POLQ: variants seen among roughly 807,000 people sequenced by gnomAD.
POLQ encodes the protein epididymis secretory sperm binding protein.
POLQ carries 233 observed loss-of-function variants against 259.2 expected under a neutral mutation model. The observed-to-expected ratio is 0.90, with a 90% CI of 0.81 to 1.00. The LOEUF is 1.00. POLQ is among the 50% of genes least tolerant of loss of function. The pLI, the probability that POLQ is intolerant of heterozygous loss-of-function variation, is 0.00. For synonymous variants in POLQ, 1,025 were observed against 1,048.8 expected (o/e 0.98, Z 0.44); for missense variants, 2,871 against 3,051.6 (o/e 0.94, Z 1.39).
At chr3:121,448,321 T>A (rs181610395) in intron 26 of POLQ, among the ~76,000 whole-genome samples, 2 of 152,050 alleles carry the variant, frequency 1.3e-5, no homozygotes. Flanking sequence ...AGTATATCAA[T>A]TGCATTTTCC....
intron 28 of POLQ, among the ~76,000 whole-genome samples, chr3:121,435,455 G>A (rs2047536303): frequency 6.6e-6 from 1 of 152,176 alleles, no homozygotes; most frequent in South Asian, 2.1e-4. Context: ...TATCCTTAAA[G>A]TATGGTCTGA....
chr3:121,459,369 A>ATTTTTTTTTTTTTTTTTTTTT (rs58859161), intron 25 of POLQ, among the ~76,000 whole-genome samples: 23 of 104,736 alleles, frequency 2.2e-4, no homozygotes, highest in Non-Finnish European at 2.7e-4. Context: ...GACTAGAAAG[A>ATTTTTTTTTTTTTTTTTTTTT]TTTTTTTTTT....
At chr3:121,492,637 CTT>C (rs1213332147) in intron 15 of POLQ, among the ~76,000 whole-genome samples, 34 of 140,100 alleles carry the variant, frequency 2.4e-4, no homozygotes, top group Non-Finnish European at 2.2e-4. Flanking sequence ...TTGCTCAGTA[CTT>C]TTTTTTTTTT....
At chr3:121,458,900 A>ACG (rs374833947) in intron 25 of POLQ, among the ~76,000 whole-genome samples, 7 of 152,122 alleles carry the variant, frequency 4.6e-5, no homozygotes, top group African/African-American at 1.7e-4. Context: ...ACACACACAC[A>ACG]AAAACTACAA....
intron 24 of POLQ, among the ~76,000 whole-genome samples, chr3:121,464,464 T>C (rs1017567647): frequency 6.6e-6 from 1 of 152,240 alleles, no homozygotes; most frequent in Non-Finnish European, 1.5e-5. Context: ...ACAATCAACA[T>C]GTTATATAAA....
intron 7 of POLQ, among the ~76,000 whole-genome samples, chr3:121,523,975 TA>T (rs1346790333): frequency 6.6e-6 from 1 of 152,146 alleles, no homozygotes; most frequent in African/African-American, 2.4e-5. Flanking sequence ...CATTTAAGAT[TA>T]AAAAATGAGT....
At chr3:121,481,281 A>C (rs1296056142) in intron 19 of POLQ, among the ~76,000 whole-genome samples, 1 of 152,244 alleles carries the variant, frequency 6.6e-6, no homozygotes, top group African/African-American at 2.4e-5. Context: ...ATTATGGCCA[A>C]ACTAACATTA....
rs763437822 is a variant in POLQ at position 121,489,481 on chromosome 3, G to A, written c.3450C>T (p.Ala1150=). ...GSQSKNVTCQ[A]TSVVSEKGRG... ...TGCCCTTTTCACTAACCACACTAGT[G>A]GCCTGACAAGTCACATTTTTACTCT... The change falls in exon 16 of 30, where the codon GCC becomes GCT. Residue 1150 remains alanine (A), a synonymous_variant. Transcript: ENST00000264233. 1 of 1,613,620 alleles carries A rather than the reference G, an allele frequency of 6.2e-7. No individual in the cohort carries two copies. The highest frequency in any genetic ancestry group is 8.5e-7 in the Non-Finnish European group (1 of 1,179,862).
Position 121,544,832 on chromosome 3 carries a change from C to A in POLQ, c.238G>T (p.Val80Phe). ...CCAAAACTGTGGTATTTTTCCAGAA[C>A]TGCTTTAGGAAGTCCCCAGTTTGCC... ...LLANWGLPKA[V>F]LEKYHSFGVK... Residue 80 changes from valine (V) to phenylalanine (F), a missense_variant, in exon 2 of 30, where the codon GTT (valine) becomes TTT (phenylalanine). Physicochemically the swap from Val to Phe is conservative, Grantham distance 50 (BLOSUM62 -1). Coordinates refer to ENST00000264233, the MANE Select transcript of POLQ (RefSeq NM_199420.4). The A allele has an allele frequency of 6.2e-7, 1 of 1,612,336 alleles. No homozygotes were observed. The highest frequency in any genetic ancestry group is 8.5e-7 in the Non-Finnish European group (1 of 1,178,388).
chr3:121,478,387 CAAG>C (rs907502796), intron 19 of POLQ, among the ~76,000 whole-genome samples: 2 of 151,644 alleles, frequency 1.3e-5, no homozygotes, highest in African/African-American at 4.8e-5. Flanking sequence ...AAGAAACAAC[CAAG>C]AAGAAATTTA....
At position 121,443,547 on chromosome 3, in the gene POLQ, CTG is replaced by C. The variant is rs556120996; in HGVS notation, c.7265-3433_7265-3432del. Among the ~76,000 whole-genome samples the C allele has an allele frequency of 2.6e-3, 397 of 152,206 alleles. 2 individuals carry two copies. Among genetic ancestry groups the C allele is most frequent in the African/African-American group, 8.2e-3 (340 of 41,532 alleles). Reference sequence around the variant, plus strand: ...CAAATATTTTCTCCCATTCTGTGGGCTGTCTCTTCACTTTGTTGGTTGTTTCC... The same window carrying C: ...CAAATATTTTCTCCCATTCTGTGGGCTCTCTTCACTTTGTTGGTTGTTTCC... On this transcript the variant is annotated intron_variant, in intron 26 of 29. Transcript: ENST00000264233.
intron 25 of POLQ, among the ~76,000 whole-genome samples, chr3:121,458,655 CAG>C (rs1213729827): frequency 4.6e-5 from 7 of 152,142 alleles, no homozygotes; most frequent in African/African-American, 1.7e-4. Context: ...ATTAAACAGA[CAG>C]AGAGGACAGA....
chr3:121,439,084 C>A (rs1189129011), intron 27 of POLQ, among the ~76,000 whole-genome samples: 1 of 152,136 alleles, frequency 6.6e-6, no homozygotes, highest in Non-Finnish European at 1.5e-5. Flanking sequence ...TACTTAGGTA[C>A]ACAGAATACT....
intron 3 of POLQ, among the ~76,000 whole-genome samples, 158 bp from the exon 4 acceptor site, chr3:121,539,747 T>A (rs2048477610): frequency 6.6e-6 from 1 of 152,216 alleles, no homozygotes; most frequent in Non-Finnish European, 1.5e-5. Flanking sequence ...TCTTTTTAGA[T>A]CATATACTAA....
chr3:121,509,745 C>T (rs1345584749), intron 11 of POLQ, 42 bp from the exon 12 acceptor site: 1 of 1,568,164 alleles, frequency 6.4e-7, no homozygotes, highest in East Asian at 2.2e-5. Context: ...AACAAACATT[C>T]AAAATAAAAT....
At chr3:121,439,683 T>C (rs1312019419) in intron 27 of POLQ, among the ~76,000 whole-genome samples, 3 of 152,250 alleles carry the variant, frequency 2.0e-5, no homozygotes, top group African/African-American at 4.8e-5. Context: ...TTAGCAAATG[T>C]AAAAATTAAG....
Position 121,488,318 on chromosome 3 carries a change from A to G in POLQ, c.4613T>C (p.Val1538Ala). The G allele has an allele frequency of 6.2e-7, 1 of 1,612,638 alleles. No individual in the cohort carries two copies. The highest frequency in any genetic ancestry group is 8.5e-7 in the Non-Finnish European group (1 of 1,179,440). Reference protein sequence around the residue: ...LQEDLIKKSNVNENQDTHQQL... With the variant: ...LQEDLIKKSNANENQDTHQQL... ...CTGGTGGGTATCTTGATTCTCATTT[A>G]CATTTGATTTTTTAATTAGGTCTTC... Residue 1538 changes from valine (V) to alanine (A), a missense_variant, in exon 16 of 30, where the codon GTA becomes GCA. Physicochemically the swap from Val to Ala is moderately conservative, Grantham distance 64. This residue lies in a region of POLQ where 2,080 missense variants were observed against 2,126.0 expected (regional missense o/e 0.98). Coordinates refer to ENST00000264233, the MANE Select transcript of POLQ (RefSeq NM_199420.4).
chr3:121,440,468 G>A (rs542588496), intron 26 of POLQ, among the ~76,000 whole-genome samples: 5 of 152,114 alleles, frequency 3.3e-5, no homozygotes, highest in African/African-American at 1.2e-4. Context: ...CTGCCTAGGT[G>A]GGACTACAGG....
chr3:121,492,967 T>A (rs1449470597), intron 15 of POLQ, among the ~76,000 whole-genome samples: 2 of 152,028 alleles, frequency 1.3e-5, no homozygotes, highest in Non-Finnish European at 2.9e-5. Flanking sequence ...CTAGCAGGAA[T>A]GTTTTTAAGT....
Sources: allele counts gnomAD v4.1 joint callset (sites outside exome capture counted in the v4.1 genomes callset), GRCh38; gene constraint gnomAD v4.1.1; regional missense constraint gnomAD v4.1.1; transcripts MANE v1.5; gene names NCBI Gene and HGNC (gene_info 2026-07-23, HGNC 2026-07-21).